RABGAP1L: variants seen among roughly 807,000 people sequenced by gnomAD.
RABGAP1L encodes RAB GTPase activating protein 1 like.
RABGAP1L carries 63 observed loss-of-function variants against 137.7 expected under a neutral mutation model. That is an observed-to-expected ratio of 0.46 (90% CI 0.37 to 0.56). RABGAP1L has a LOEUF of 0.56. Ranked by LOEUF, RABGAP1L falls within the 20% of genes least tolerant of loss-of-function variation. The pLI is 0.00. For synonymous variants in RABGAP1L, 431 were observed against 433.7 expected (o/e 0.99, Z 0.08); for missense variants, 1,095 against 1,244.0 (o/e 0.88, Z 1.80).
chr1:174,511,498 T>TC (rs1265471742), intron 13 of RABGAP1L, among the ~76,000 whole-genome samples: 5 of 152,212 alleles, frequency 3.3e-5, no homozygotes, highest in Non-Finnish European at 5.9e-5. Flanking sequence ...ATGCTTTTTT[T>TC]CATGACTACT....
intron 19 of RABGAP1L, chr1:174,922,567 C>T (rs1032524092): frequency 6.6e-6 from 1 of 152,190 alleles, no homozygotes; most frequent in African/African-American, 2.4e-5. Flanking sequence ...AAGAACATAA[C>T]CTATCAATGT....
Position 174,448,712 on chromosome 1 carries a change from G to A in RABGAP1L, c.1710+54567G>A, listed in dbSNP as rs764780112. The A allele has an allele frequency of 8.7e-6, 14 of 1,613,956 alleles. No homozygotes were observed. The highest frequency in any genetic ancestry group is 1.1e-5 in the Non-Finnish European group (13 of 1,179,864). On this transcript the variant is annotated intron_variant, in intron 13 of 25. Transcript: ENST00000681986. This position sits in a 1 kb window ranked among gnomAD's most constrained non-coding sequence, Gnocchi z 4.2. ...GTGTGCCACGTCTTGGCTCACCAGT[G>A]CCTATTTTACTGGCTTTATTGTTTG...
At chr1:174,597,145 C>T (rs930517171) in intron 13 of RABGAP1L, among the ~76,000 whole-genome samples, 3 of 151,958 alleles carry the variant, frequency 2.0e-5, no homozygotes, top group Admixed American at 1.3e-4. Context: ...TTTTTTGTAT[C>T]AATGTTCGTC....
chr1:174,941,569 A>G (rs1450826973), intron 19 of RABGAP1L, among the ~76,000 whole-genome samples: 1 of 152,214 alleles, frequency 6.6e-6, no homozygotes, highest in Non-Finnish European at 1.5e-5. Flanking sequence ...CCTGTTGACT[A>G]TCACCTAACA....
chr1:174,981,304 A>G (rs1380198623), intron 23 of RABGAP1L, among the ~76,000 whole-genome samples: 3 of 152,156 alleles, frequency 2.0e-5, no homozygotes, highest in Non-Finnish European at 4.4e-5. Flanking sequence ...TGCAGAATCT[A>G]CCATGGTGAT....
At chr1:174,163,424 C>G (rs1664665509) in intron 1 of RABGAP1L, among the ~76,000 whole-genome samples, 1 of 152,072 alleles carries the variant, frequency 6.6e-6, no homozygotes, top group Non-Finnish European at 1.5e-5. Context: ...CATGCTAACT[C>G]TTTTTTGTTA....
chr1:174,213,416 C>T (rs1043543195), intron 1 of RABGAP1L, among the ~76,000 whole-genome samples: 1 of 152,150 alleles, frequency 6.6e-6, no homozygotes, highest in Non-Finnish European at 1.5e-5. Flanking sequence ...CAGAGTGAGA[C>T]TTACTCAAAC....
intron 13 of RABGAP1L, among the ~76,000 whole-genome samples, chr1:174,511,066 T>C (rs1662287438): frequency 6.6e-6 from 1 of 152,172 alleles, no homozygotes; most frequent in Non-Finnish European, 1.5e-5. Context: ...AGACCTGAGA[T>C]GGGGGACTCC....
rs74126862 is a variant in RABGAP1L, at chr1:174,683,588, C to T, written c.1891C>T (p.Leu631=). 1.0e-3 allele frequency: 1,616 copies of T among 1,603,396 alleles called. 20 individuals carry two copies. In the African/African-American group the frequency reaches 0.019, roughly 19 times the overall value. The change falls in exon 15 of 26, where the codon CTG becomes TTG. Residue 631 remains leucine, a synonymous_variant. Transcript: ENST00000681986. ...QGQSFLAAVL[L]LHMPEEQAFC... ...GCAGTCTTTTCTTGCTGCTGTATTA[C>T]TGCTGCATGTAAGTAATGGTCCGTG...
intron 23 of RABGAP1L, 75 bp downstream of exon 23, chr1:174,978,965 G>A: frequency 2.1e-6 from 3 of 1,403,354 alleles, no homozygotes; most frequent in South Asian, 1.7e-5. Context: ...TTTTGCTTGA[G>A]GCCAGGAGTT....
At chr1:174,903,549 C>T (rs955614310) in intron 19 of RABGAP1L, among the ~76,000 whole-genome samples, 6 of 152,054 alleles carry the variant, frequency 3.9e-5, no homozygotes, top group Admixed American at 2.6e-4. Flanking sequence ...AAAGAGAATT[C>T]TCAGCAAATG....
chr1:174,540,854 G>C (rs1230703498), intron 13 of RABGAP1L, among the ~76,000 whole-genome samples: 1 of 152,140 alleles, frequency 6.6e-6, no homozygotes, highest in African/African-American at 2.4e-5. Context: ...GCTTGATGGG[G>C]ATGGCATTGA....
chr1:174,538,608 T>C (rs1331129349), intron 13 of RABGAP1L, among the ~76,000 whole-genome samples: 3 of 152,202 alleles, frequency 2.0e-5, no homozygotes, highest in African/African-American at 7.2e-5. Context: ...CTTAGTTTTT[T>C]TTAACCCACA....
At chr1:174,943,781 C>T (rs973312487) in intron 19 of RABGAP1L, among the ~76,000 whole-genome samples, 10 of 151,670 alleles carry the variant, frequency 6.6e-5, no homozygotes, top group Non-Finnish European at 1.5e-4. Flanking sequence ...TGCAGTGAGC[C>T]GAGATCACGC....
chr1:174,840,214 A>AT (rs942024028), intron 19 of RABGAP1L, among the ~76,000 whole-genome samples: 1 of 152,176 alleles, frequency 6.6e-6, no homozygotes, highest in Non-Finnish European at 1.5e-5. Flanking sequence ...CTAGATTCTG[A>AT]TTTTTAAAAT....
chr1:174,435,902 A>G (rs1201825576), intron 13 of RABGAP1L, among the ~76,000 whole-genome samples: 11 of 150,468 alleles, frequency 7.3e-5, no homozygotes, highest in African/African-American at 2.5e-4. Context: ...GAAAACATGC[A>G]GTGTTTGATT....
intron 13 of RABGAP1L, among the ~76,000 whole-genome samples, chr1:174,398,386 T>C (rs1441131406): frequency 6.6e-6 from 1 of 152,136 alleles, no homozygotes; most frequent in Non-Finnish European, 1.5e-5. Flanking sequence ...TGGTCGGTCT[T>C]TGTGGCTTGG....
chr1:174,316,391 T>G (rs1679378058), intron 11 of RABGAP1L, among the ~76,000 whole-genome samples: 1 of 152,190 alleles, frequency 6.6e-6, no homozygotes, highest in Non-Finnish European at 1.5e-5. Context: ...TTGGGAATGC[T>G]TTTCAGATAT....
Position 174,401,978 on chromosome 1 carries a change from G to A in RABGAP1L, c.1710+7833G>A, listed in dbSNP as rs1171735178. On this transcript the variant is annotated intron_variant, in intron 13 of 25. Transcript: ENST00000681986. ...AAGAAGTTCAGTATGACCCATGGGAGTACTCTAGACTCTACAGTCTAAGTG... is the reference window on the plus strand; with the variant it reads ...AAGAAGTTCAGTATGACCCATGGGAATACTCTAGACTCTACAGTCTAAGTG... Among the ~76,000 whole-genome samples, 2 of 152,156 alleles carry A rather than the reference G, an allele frequency of 1.3e-5. 1 individual carries two copies. The highest frequency in any genetic ancestry group is 1.3e-4 in the Admixed American group (2 of 15,262).
Sources: allele counts gnomAD v4.1 joint callset (sites outside exome capture counted in the v4.1 genomes callset), GRCh38; gene constraint gnomAD v4.1.1; non-coding constraint Gnocchi (gnomAD v3.1); transcripts MANE v1.5; gene names NCBI Gene and HGNC (gene_info 2026-07-23, HGNC 2026-07-21).